The following ORC4 variants were observed in gnomAD, a reference collection of about 807,000 sequenced individuals.
The protein encoded by ORC4 is origin recognition complex, subunit 4 homolog.
A neutral mutation model predicts 63.9 loss-of-function variants in ORC4; 55 were observed. The ratio of observed to expected loss-of-function variants is 0.86; its 90% CI spans 0.69 to 1.08. ORC4 has a LOEUF of 1.08. Among genes scored for constraint, ORC4 ranks in the 50% least tolerant of loss-of-function variants. The pLI, the probability that ORC4 is intolerant of heterozygous loss-of-function variation, is 0.00. For synonymous variants in ORC4, 150 were observed against 168.5 expected (o/e 0.89, Z 0.85); for missense variants, 511 against 504.4 (o/e 1.01, Z -0.13).
At chr2:147,946,834 G>A (rs1688684446) in intron 9 of ORC4, among the ~76,000 whole-genome samples, 1 of 151,932 alleles carries the variant, frequency 6.6e-6, no homozygotes, top group Non-Finnish European at 1.5e-5. Context: ...TATAAACTCT[G>A]CAATGTTGTA....
At chr2:148,015,966 T>A (rs186061544) in intron 1 of ORC4, among the ~76,000 whole-genome samples, 1 of 152,150 alleles carries the variant, frequency 6.6e-6, no homozygotes, top group Non-Finnish European at 1.5e-5. Flanking sequence ...AGAGCAATCA[T>A]TGAAGCAGAT....
At chr2:148,006,570 G>A (rs554675313) in intron 1 of ORC4, among the ~76,000 whole-genome samples, 5 of 152,260 alleles carry the variant, frequency 3.3e-5, no homozygotes, top group Non-Finnish European at 7.4e-5. Flanking sequence ...TTTTGCAACC[G>A]GAGTATTGGT....
intron 4 of ORC4, among the ~76,000 whole-genome samples, chr2:147,965,786 C>T (rs1689860333): frequency 6.6e-6 from 1 of 152,140 alleles, no homozygotes; most frequent in East Asian, 1.9e-4. Context: ...CATCAGCACA[C>T]AGAAGATTCT....
intron 1 of ORC4, among the ~76,000 whole-genome samples, chr2:148,018,661 G>A (rs1432436714): frequency 6.6e-6 from 1 of 152,050 alleles, no homozygotes; most frequent in African/African-American, 2.4e-5. Context: ...CTGCATGAGA[G>A]AAAAAGATAC....
chr2:147,967,148 T>C (rs538115179), intron 4 of ORC4, among the ~76,000 whole-genome samples: 1 of 151,766 alleles, frequency 6.6e-6, no homozygotes, highest in Admixed American at 6.6e-5. Flanking sequence ...CCCTTCATGA[T>C]AGAAACTGTC....
intron 1 of ORC4, among the ~76,000 whole-genome samples, chr2:148,018,243 A>T (rs565586678): frequency 6.6e-6 from 1 of 152,356 alleles, no homozygotes; most frequent in Non-Finnish European, 1.5e-5. Flanking sequence ...TGTCCTGGGC[A>T]GAATAAATTA....
intron 4 of ORC4, among the ~76,000 whole-genome samples, chr2:147,971,914 G>A (rs1026533996): frequency 4.0e-5 from 6 of 151,816 alleles, no homozygotes; most frequent in Middle Eastern, 3.5e-3. Flanking sequence ...AAATCCTAAC[G>A]TACTCATCTT....
upstream of ORC4, chr2:148,021,372 C>T: frequency 2.2e-6 from 1 of 444,622 alleles, no homozygotes; most frequent in Non-Finnish European, 4.5e-6. Flanking sequence ...CAACTCGCCT[C>T]CCTCCCTCCA....
At chr2:147,978,626 C>A (rs1251815887) in intron 1 of ORC4, among the ~76,000 whole-genome samples, 1 of 152,122 alleles carries the variant, frequency 6.6e-6, no homozygotes, top group Admixed American at 6.6e-5. Flanking sequence ...TTCTGAGGTA[C>A]CAGTGTGCAT....
At chr2:147,964,502 G>A (rs1689785458) in intron 4 of ORC4, among the ~76,000 whole-genome samples, 1 of 152,074 alleles carries the variant, frequency 6.6e-6, no homozygotes, top group East Asian at 1.9e-4. Flanking sequence ...AGAAAAGAAG[G>A]AAAAGGTGAG....
At chr2:147,982,863 C>G (rs1690971632) in intron 1 of ORC4, among the ~76,000 whole-genome samples, 1 of 152,108 alleles carries the variant, frequency 6.6e-6, no homozygotes, top group African/African-American at 2.4e-5. Flanking sequence ...AGATCTGTAT[C>G]TAAAGAACCC....
chr2:147,955,208 T>C (rs1689179005), intron 7 of ORC4, 139 bp downstream of exon 7: 1 of 638,628 alleles, frequency 1.6e-6, no homozygotes, highest in African/African-American at 1.9e-5. Flanking sequence ...GGGAATACAG[T>C]GAACATTGTA....
chr2:147,950,539 G>T (rs1165768328), intron 8 of ORC4, among the ~76,000 whole-genome samples: 2 of 152,034 alleles, frequency 1.3e-5, no homozygotes, highest in Non-Finnish European at 2.9e-5. Context: ...GGCCAAGGGG[G>T]GTAGATCACG....
At chr2:147,939,097 A>AGTG (rs1688221532) in intron 11 of ORC4, 43 bp downstream of exon 11, 1 of 1,157,322 alleles carries the variant, frequency 8.6e-7, no homozygotes, top group Non-Finnish European at 1.3e-6. Flanking sequence ...CTAAATTCAA[A>AGTG]GTTTTAAAAA....
At chr2:148,015,471 C>T (rs1693222716) in intron 1 of ORC4, among the ~76,000 whole-genome samples, 1 of 151,692 alleles carries the variant, frequency 6.6e-6, no homozygotes, top group Non-Finnish European at 1.5e-5. Flanking sequence ...CCCGCCACCA[C>T]GCCTGGCTAA....
intron 1 of ORC4, among the ~76,000 whole-genome samples, chr2:148,019,244 C>T (rs553138363): frequency 1.2e-4 from 18 of 152,290 alleles, no homozygotes; most frequent in African/African-American, 4.3e-4. Context: ...CCCAAACTTA[C>T]AGAAAGCAAA....
chr2:147,949,732 C>G (rs1363018054), intron 8 of ORC4, among the ~76,000 whole-genome samples: 1 of 151,862 alleles, frequency 6.6e-6, no homozygotes, highest in Non-Finnish European at 1.5e-5. Flanking sequence ...TAGTTTTTGC[C>G]TCAAAATAAT....
At chr2:147,947,334 T>G (rs1232512796) in intron 9 of ORC4, among the ~76,000 whole-genome samples, 1 of 152,078 alleles carries the variant, frequency 6.6e-6, no homozygotes, top group South Asian at 2.1e-4. Flanking sequence ...TAATGATGTT[T>G]TTCAATTATA....
intron 1 of ORC4, among the ~76,000 whole-genome samples, chr2:147,988,179 T>C (rs1245522705): frequency 1.3e-5 from 2 of 152,074 alleles, no homozygotes; most frequent in Non-Finnish European, 2.9e-5. Flanking sequence ...GGTCTCTGTA[T>C]CAGCAGGTCA....
Sources: gnomAD v4.1 joint callset for allele counts (sites outside exome capture counted in the v4.1 genomes callset) on GRCh38, gnomAD v4.1.1 for gene constraint, MANE v1.5 for transcripts, NCBI Gene and HGNC (gene_info 2026-07-23, HGNC 2026-07-21) for gene names.